The following LIPI variants were observed in gnomAD, a reference collection of about 807,000 sequenced individuals.
LIPI encodes the protein lipase member I.
Under a neutral mutation model 50.6 loss-of-function variants are expected in LIPI, and 59 were observed. The observed-to-expected ratio is 1.16, with a 90% CI of 0.94 to 1.45. LIPI has a LOEUF of 1.45. Among genes scored for constraint, LIPI ranks in the 40% most tolerant of loss-of-function variants. LIPI has a pLI of 0.00. For synonymous variants in LIPI, 203 were observed against 178.2 expected (o/e 1.14, Z -1.11); for missense variants, 586 against 536.3 (o/e 1.09, Z -0.92).
intron 7 of LIPI, among the ~76,000 whole-genome samples, chr21:14,157,453 A>G (rs1001423498): frequency 9.9e-5 from 15 of 151,950 alleles, no homozygotes; most frequent in African/African-American, 2.9e-4. Flanking sequence ...TAGAAAAAAT[A>G]TGGAGGAGTC....
At chr21:14,185,591 A>C (rs13046897) in intron 3 of LIPI, among the ~76,000 whole-genome samples, 18,809 of 152,230 alleles carry the variant, frequency 0.12, 1,387 homozygotes, top group Admixed American at 0.19. Flanking sequence ...AATTTTAAGC[A>C]AAGTGGCTGG....
intron 4 of LIPI, 27 bp from the exon 5 acceptor site, chr21:14,166,478 C>T (rs745649011): frequency 8.5e-7 from 1 of 1,174,554 alleles, no homozygotes; most frequent in Admixed American, 1.7e-5. Flanking sequence ...CCAAGAATCA[C>T]AACATGTATA....
intron 1 of LIPI, among the ~76,000 whole-genome samples, chr21:14,196,589 G>T (rs933796611): frequency 6.6e-6 from 1 of 152,116 alleles, no homozygotes; most frequent in Non-Finnish European, 1.5e-5. Context: ...AACTCTGGGA[G>T]GCCAAGGCAG....
At chr21:14,144,484 CTAA>C in intron 9 of LIPI, 136 bp downstream of exon 9, 1 of 488,952 alleles carries the variant, frequency 2.0e-6, no homozygotes. Context: ...TTTTGAGATT[CTAA>C]TATTTATGTA....
chr21:14,183,718 T>A (rs1450394870), intron 3 of LIPI, among the ~76,000 whole-genome samples: 3 of 152,042 alleles, frequency 2.0e-5, no homozygotes, highest in African/African-American at 7.2e-5. Context: ...AAAAAACACA[T>A]GAAAAAATGC....
chr21:14,139,030 C>T (rs151269275), intron 9 of LIPI, among the ~76,000 whole-genome samples: 3 of 152,080 alleles, frequency 2.0e-5, no homozygotes, highest in East Asian at 1.9e-4. Flanking sequence ...AACTGAAATT[C>T]GAACCAGGAT....
intron 3 of LIPI, among the ~76,000 whole-genome samples, chr21:14,183,731 A>G (rs372727752): frequency 6.6e-6 from 1 of 152,184 alleles, no homozygotes; most frequent in Non-Finnish European, 1.5e-5. Flanking sequence ...AAAAATGCTC[A>G]TCATCACTGG....
At chr21:14,199,627 A>T (rs1396725986) in intron 1 of LIPI, among the ~76,000 whole-genome samples, 1 of 151,480 alleles carries the variant, frequency 6.6e-6, no homozygotes, top group East Asian at 1.9e-4. Context: ...AGCCTAAGAA[A>T]AGTCTGGGAC....
At chr21:14,177,909 T>G (rs1234130753) in intron 4 of LIPI, among the ~76,000 whole-genome samples, 5 of 144,690 alleles carry the variant, frequency 3.5e-5, no homozygotes, top group Admixed American at 1.4e-4. Context: ...GTAACCTTTC[T>G]GCTCATGACA....
At chr21:14,172,722 G>C (rs2018960534) in intron 4 of LIPI, among the ~76,000 whole-genome samples, 1 of 151,876 alleles carries the variant, frequency 6.6e-6, no homozygotes, top group Admixed American at 6.6e-5. Flanking sequence ...GTTGTGGGGT[G>C]GGGGAAGGGG....
chr21:14,144,884 G>A, intron 8 of LIPI, 85 bp from the exon 9 acceptor site: 2 of 893,576 alleles, frequency 2.2e-6, no homozygotes, highest in Non-Finnish European at 3.5e-6. Flanking sequence ...TAATAAGGGA[G>A]GCCACAGAGA....
At chr21:14,164,000 C>T (rs1181246592) in intron 6 of LIPI, among the ~76,000 whole-genome samples, 2 of 150,406 alleles carry the variant, frequency 1.3e-5, no homozygotes, top group African/African-American at 4.9e-5. Context: ...TATAGGTATA[C>T]TTTACATGTA....
chr21:14,166,210 A>G (rs1041859821), intron 5 of LIPI, 152 bp downstream of exon 5: 10 of 663,382 alleles, frequency 1.5e-5, no homozygotes, highest in South Asian at 1.3e-4. Context: ...AGCATGGTCA[A>G]ATTAAACCAT....
At chr21:14,140,824 G>A (rs1366716923) in intron 9 of LIPI, among the ~76,000 whole-genome samples, 1 of 151,938 alleles carries the variant, frequency 6.6e-6, no homozygotes, top group African/African-American at 2.4e-5. Flanking sequence ...GTTTCATAAA[G>A]CTGTGAACAT....
At chr21:14,169,332 G>A (rs1481746853) in intron 4 of LIPI, among the ~76,000 whole-genome samples, 1 of 151,956 alleles carries the variant, frequency 6.6e-6, no homozygotes, top group Non-Finnish European at 1.5e-5. Flanking sequence ...AGGATACCCA[G>A]GAATTGAACT....
chr21:14,198,649 C>T (rs373694010), intron 1 of LIPI, among the ~76,000 whole-genome samples: 4 of 152,200 alleles, frequency 2.6e-5, no homozygotes, highest in East Asian at 3.9e-4. Flanking sequence ...CAAAGAGACT[C>T]AGAATCCCAC....
rs569704730 is a variant in LIPI at position 14,181,809 on chromosome 21, A to G, written c.592T>C (p.Leu198=). Reference sequence around the variant, plus strand: ...ACAAACTTTGCATCCGTGTAATCTAATCTGCTATATGGTGGTTTTCTGGAG... The same window carrying G: ...ACAAACTTTGCATCCGTGTAATCTAGTCTGCTATATGGTGGTTTTCTGGAG... ...RFSRKPPYSR[L]DYTDAKFVDV... The change falls in exon 4 of 10, where the codon TTA becomes CTA. Residue 198 remains leucine (L), a synonymous_variant. Transcript: ENST00000681601. The G allele has an allele frequency of 5.0e-6, 8 of 1,612,678 alleles. No individual in the cohort carries two copies. The South Asian group carries it at 7.7e-5, about 16-fold the overall frequency.
intron 8 of LIPI, among the ~76,000 whole-genome samples, chr21:14,151,066 C>A (rs1405914138): frequency 6.6e-6 from 1 of 152,116 alleles, no homozygotes; most frequent in Non-Finnish European, 1.5e-5. Context: ...TCAGGATAAT[C>A]ATGGCATCCC....
chr21:14,191,246 G>A (rs1245717151), intron 1 of LIPI, among the ~76,000 whole-genome samples: 1 of 150,748 alleles, frequency 6.6e-6, no homozygotes, highest in Non-Finnish European at 1.5e-5. Context: ...GCGTAGTGGC[G>A]GGCGCCTGTA....
Sources: allele counts gnomAD v4.1 joint callset (sites outside exome capture counted in the v4.1 genomes callset), GRCh38; gene constraint gnomAD v4.1.1; transcripts MANE v1.5; gene names NCBI Gene and HGNC (gene_info 2026-07-23, HGNC 2026-07-21).